The following C9 variants were observed in gnomAD, a reference collection of about 807,000 sequenced individuals.
C9 encodes the protein complement component C9.
Under a neutral mutation model 65.4 loss-of-function variants are expected in C9, and 63 were observed. The ratio of observed to expected loss-of-function variants is 0.96; its 90% CI spans 0.79 to 1.19. C9 has a LOEUF of 1.19. Among genes scored for constraint, C9 ranks in the 50% most tolerant of loss-of-function variants. The probability of loss-of-function intolerance (pLI) is 0.00; values close to 1 mark genes in which losing one functional copy is unlikely to be tolerated. For synonymous variants in C9, 229 were observed against 227.9 expected, an observed-to-expected ratio of 1.00 and a Z score of -0.04; for missense variants, 744 against 670.1, an observed-to-expected ratio of 1.11 and a Z score of -1.22.
chr5:39,308,157 A>G, intron 8 of C9, 73 bp downstream of exon 8: 1 of 1,333,302 alleles, frequency 7.5e-7, no homozygotes, highest in South Asian at 1.2e-5. Context: ...AAGAGGGCTC[A>G]TTGCAAGAGG....
rs1457516146 is a variant in C9 at position 39,311,259 on chromosome 5, T to C, written c.989A>G (p.Tyr330Cys). 1.9e-6 allele frequency: 3 copies of C among 1,613,726 alleles called. No individual in the cohort carries two copies. In the African/African-American group the frequency reaches 4.0e-5, roughly 22 times the overall value. Residue 330 changes from tyrosine to cysteine, a missense_variant, in exon 7 of 11, where the codon TAT becomes TGT. Physicochemically the swap from Tyr to Cys is radical, Grantham distance 194 (BLOSUM62 -2). Transcript: ENST00000263408. The part of the protein sequence containing the change: ...VDDIKALPTT[Y>C]EKGEYFAFLE... ...AAAGGCAAAATATTCTCCCTTTTCA[T>C]AGGTAGTTGGCAAAGCTTTTATATC... is the stretch of plus-strand genomic sequence containing the variant.
intron 9 of C9, among the ~76,000 whole-genome samples, chr5:39,302,238 C>A (rs1368982520): frequency 6.6e-6 from 1 of 152,052 alleles, no homozygotes; most frequent in Non-Finnish European, 1.5e-5. Context: ...TTCTGATGAA[C>A]TTTTATCTTC....
intron 4 of C9, among the ~76,000 whole-genome samples, chr5:39,335,553 C>T (rs911430524): frequency 6.6e-6 from 1 of 152,136 alleles, no homozygotes; most frequent in African/African-American, 2.4e-5. Flanking sequence ...TACACTGTAT[C>T]AGGTGTTATA....
intron 1 of C9, among the ~76,000 whole-genome samples, chr5:39,348,252 A>C (rs553341482): frequency 1.5e-4 from 23 of 152,240 alleles, no homozygotes; most frequent in Middle Eastern, 3.4e-3. Context: ...AATGGGAGAA[A>C]ATTTTTGCAA....
In C9 at chr5:39,341,704, C is replaced by T; in HGVS notation, c.184-4G>A. Reference sequence around the variant, plus strand: ...CCTCAATGCTTCTTGAACGAAACTGCACAATATCAGTTGGAATGATTAGAA... The same window carrying T: ...CCTCAATGCTTCTTGAACGAAACTGTACAATATCAGTTGGAATGATTAGAA... On this transcript the variant is annotated splice_polypyrimidine_tract_variant and splice_region_variant and intron_variant, in intron 2 of 10. Coordinates refer to ENST00000263408, the MANE Select transcript of C9 (RefSeq NM_001737.5). The T allele has an allele frequency of 1.9e-6, 3 of 1,613,766 alleles. No homozygotes were observed. The highest frequency in any genetic ancestry group is 8.5e-7 in the Non-Finnish European group (1 of 1,179,742).
chr5:39,299,052 G>A (rs1193438621), intron 9 of C9, among the ~76,000 whole-genome samples: 2 of 151,848 alleles, frequency 1.3e-5, no homozygotes, highest in Non-Finnish European at 2.9e-5. Flanking sequence ...ACCTGATAGA[G>A]ATAATCTATG....
intron 6 of C9, among the ~76,000 whole-genome samples, chr5:39,314,901 G>A (rs1753544802): frequency 1.3e-5 from 2 of 152,050 alleles, no homozygotes; most frequent in African/African-American, 2.4e-5. Context: ...ATTTTTGGCT[G>A]TCTCTTTCTG....
intron 1 of C9, among the ~76,000 whole-genome samples, chr5:39,356,470 T>C (rs919619980): frequency 1.3e-5 from 2 of 152,254 alleles, no homozygotes; most frequent in African/African-American, 4.8e-5. Context: ...TTTTTAAACA[T>C]ATAGCAGCCC....
chr5:39,288,371 A>G (rs1401978881), intron 10 of C9, among the ~76,000 whole-genome samples: 1 of 151,856 alleles, frequency 6.6e-6, no homozygotes, highest in Non-Finnish European at 1.5e-5. Context: ...AAACACATAT[A>G]TATGCAAAGT....
intron 9 of C9, among the ~76,000 whole-genome samples, chr5:39,290,903 C>T (rs1161553549): frequency 6.6e-6 from 1 of 151,736 alleles, no homozygotes; most frequent in African/African-American, 2.4e-5. Flanking sequence ...GAAACTGCAG[C>T]CCAGTTTGGA....
intron 9 of C9, among the ~76,000 whole-genome samples, chr5:39,289,873 G>A (rs1484850784): frequency 6.6e-6 from 1 of 151,840 alleles, no homozygotes; most frequent in East Asian, 1.9e-4. Context: ...AATTTCCTGA[G>A]CCCCATCCAA....
chr5:39,290,670 ATC>A (rs1753074983), intron 9 of C9, among the ~76,000 whole-genome samples: 1 of 151,860 alleles, frequency 6.6e-6, no homozygotes, highest in South Asian at 2.1e-4. Context: ...CTGATCTAAG[ATC>A]TGGGAGGAGG....
At chr5:39,338,468 C>A (rs929735526) in intron 4 of C9, among the ~76,000 whole-genome samples, 2 of 152,118 alleles carry the variant, frequency 1.3e-5, no homozygotes, top group Non-Finnish European at 2.9e-5. Context: ...AATACCTCCT[C>A]TAACAATCTC....
chr5:39,328,949 G>A (rs1299072572), intron 5 of C9, among the ~76,000 whole-genome samples: 2 of 152,190 alleles, frequency 1.3e-5, no homozygotes, highest in African/African-American at 4.8e-5. Context: ...ATTTTGGCAG[G>A]ATTGGGGCGA....
intron 1 of C9, among the ~76,000 whole-genome samples, chr5:39,360,417 T>C (rs700223): frequency 0.98 from 148,448 of 152,160 alleles, 72,778 homozygotes; most frequent in Middle Eastern, 1. Context: ...CACTTTCAGG[T>C]CTTCTAAACC....
intron 1 of C9, among the ~76,000 whole-genome samples, chr5:39,356,783 C>T (rs1379649131): frequency 1.3e-5 from 2 of 152,174 alleles, no homozygotes; most frequent in East Asian, 3.9e-4. Flanking sequence ...ATCCTTTGAG[C>T]CCAACACCCC....
At chr5:39,316,794 G>T (rs547040546) in intron 5 of C9, among the ~76,000 whole-genome samples, 4 of 152,218 alleles carry the variant, frequency 2.6e-5, no homozygotes, top group Non-Finnish European at 5.9e-5. Flanking sequence ...TGTGGATAGT[G>T]CTGCAATGAA....
chr5:39,333,812 C>G (rs1442785420), intron 4 of C9, among the ~76,000 whole-genome samples: 5 of 152,126 alleles, frequency 3.3e-5, no homozygotes, highest in Non-Finnish European at 7.3e-5. Flanking sequence ...CGGGGTTTCG[C>G]TGTGTTGGCC....
chr5:39,358,795 C>T (rs1754455342), intron 1 of C9, among the ~76,000 whole-genome samples: 2 of 151,554 alleles, frequency 1.3e-5, no homozygotes, highest in African/African-American at 4.9e-5. Context: ...ACCACCCTGG[C>T]TAAAACGGTG....
Sources: allele counts gnomAD v4.1 joint callset (sites outside exome capture counted in the v4.1 genomes callset), GRCh38; gene constraint gnomAD v4.1.1; transcripts MANE v1.5; gene names NCBI Gene and HGNC (gene_info 2026-07-23, HGNC 2026-07-21).